The following LRP12 variants were observed in gnomAD, a reference collection of about 807,000 sequenced individuals.
LRP12 encodes the protein low-density lipoprotein receptor-related protein 12.
In LRP12, 14 loss-of-function variants were observed where a neutral mutation model predicts 66.0. The observed-to-expected ratio is 0.21, with a 90% CI of 0.14 to 0.33. The LOEUF is 0.33. LRP12 is among the 10% of genes least tolerant of loss of function. LRP12 has a pLI of 1.00. For synonymous variants in LRP12, 357 were observed against 359.1 expected (o/e 0.99, Z 0.07); for missense variants, 889 against 1,053.4 (o/e 0.84, Z 2.16).
intron 1 of LRP12, among the ~76,000 whole-genome samples, chr8:104,550,595 C>T (rs1460376912): frequency 5.3e-5 from 8 of 152,120 alleles, no homozygotes; most frequent in Admixed American, 5.2e-4. Context: ...CAAGTAGGAA[C>T]CTGGAAGTCA....
chr8:104,539,422 G>A (rs1392687469), intron 1 of LRP12, among the ~76,000 whole-genome samples: 2 of 151,864 alleles, frequency 1.3e-5, no homozygotes, highest in Non-Finnish European at 2.9e-5. Flanking sequence ...TAGGTTTTGG[G>A]TACATAGGGG....
rs558701664 is a variant in LRP12 at position 104,523,621 on chromosome 8, G to A, written c.136+8286C>T. On this transcript the variant is annotated intron_variant, in intron 2 of 6. Transcript: ENST00000276654. ...TGTGTCACAGTACAATGTGATCTCT[G>A]GTGGTTCTCGTGTATTTTTCATTGT... Among the ~76,000 whole-genome samples the A allele has an allele frequency of 5.3e-5, 8 of 152,200 alleles. No homozygotes were observed. In the South Asian group the frequency reaches 1.7e-3, roughly 32 times the overall value.
chr8:104,522,964 G>A, intron 2 of LRP12, among the ~76,000 whole-genome samples: 1 of 152,148 alleles, frequency 6.6e-6, no homozygotes, highest in Admixed American at 6.5e-5. Flanking sequence ...GCAGACAACT[G>A]TGTAAATTAG....
intron 1 of LRP12, among the ~76,000 whole-genome samples, chr8:104,536,904 AT>A (rs1811399515): frequency 1.3e-5 from 2 of 152,214 alleles, no homozygotes; most frequent in African/African-American, 4.8e-5. Flanking sequence ...ATTTGTAAAT[AT>A]AAACAATAGC....
chr8:104,546,685 C>T (rs1033334553), intron 1 of LRP12, among the ~76,000 whole-genome samples: 3 of 151,560 alleles, frequency 2.0e-5, no homozygotes, highest in Non-Finnish European at 4.4e-5. Context: ...TACTGAATTT[C>T]GGGGCTTCTT....
intron 1 of LRP12, among the ~76,000 whole-genome samples, chr8:104,564,358 C>T (rs914086202): frequency 6.6e-6 from 1 of 152,116 alleles, no homozygotes; most frequent in East Asian, 1.9e-4. Context: ...CCAGACAGGA[C>T]CAATGTAGCT....
chr8:104,578,336 A>T (rs916824746), intron 1 of LRP12, among the ~76,000 whole-genome samples: 3 of 152,190 alleles, frequency 2.0e-5, no homozygotes, highest in African/African-American at 7.2e-5. Context: ...CCTAAGACTA[A>T]ACCAGGAAAA....
At chr8:104,559,616 A>G (rs78946085) in intron 1 of LRP12, among the ~76,000 whole-genome samples, 96 of 151,884 alleles carry the variant, frequency 6.3e-4, no homozygotes, top group African/African-American at 2.3e-3. Flanking sequence ...ATTGAAATAA[A>G]AACTTTTTTA....
At chr8:104,528,872 A>C (rs1811285487) in intron 2 of LRP12, among the ~76,000 whole-genome samples, 1 of 152,150 alleles carries the variant, frequency 6.6e-6, no homozygotes, top group South Asian at 2.1e-4. Flanking sequence ...ATATAATTGG[A>C]ATAGATTTCA....
At position 104,588,980 on chromosome 8, in the gene LRP12, C is replaced by CGCT; in HGVS notation, c.-84_-83insAGC. 1 of 752,172 alleles carries CGCT rather than the reference C, an allele frequency of 1.3e-6. No homozygotes were observed. The highest frequency in any genetic ancestry group is 2.0e-6 in the Non-Finnish European group (1 of 491,708). The allele number at this position is 752,172 out of a possible 1,614,324, so 46.6% of individuals were successfully genotyped here. On this transcript the variant is annotated 5_prime_UTR_variant, in exon 1 of 7. Coordinates refer to ENST00000276654, the MANE Select transcript of LRP12 (RefSeq NM_013437.5). Reference sequence around the variant, plus strand: ...AGGTAGACGACGCCGACGCCGCCGCCGCCGCCGCCGCCGCCGCCGAGCCAC... The same window carrying CGCT: ...AGGTAGACGACGCCGACGCCGCCGCCGCTGCCGCCGCCGCCGCCGCCGAGCCAC...
rs746849847 is a variant in LRP12, at chr8:104,491,415, C to T, written c.1838G>A (p.Arg613His). ...WNRIFNFARS[R>H]HSGSLALVSA... ...GACCAAAGCCAATGACCCAGAATGA[C>T]GTGATCTTGCAAAATTAAAAATACG... The change falls in exon 7 of 7, where the codon CGT becomes CAT. Residue 613 changes from arginine (R) to histidine (H), a missense_variant. Arg to His is a conservative substitution (Grantham distance 29). This residue lies in a region of LRP12 where 800 missense variants were observed against 964.5 expected (regional missense o/e 0.83). Transcript: ENST00000276654. 10 of 1,614,072 alleles carry T rather than the reference C, an allele frequency of 6.2e-6. No homozygotes were observed. The highest frequency in any genetic ancestry group is 1.1e-5 in the South Asian group (1 of 91,080).
chr8:104,571,962 GAA>G (rs1290272566), intron 1 of LRP12, among the ~76,000 whole-genome samples: 1 of 152,200 alleles, frequency 6.6e-6, no homozygotes, highest in African/African-American at 2.4e-5. Flanking sequence ...TGTCCACACA[GAA>G]ACTTGTACTG....
intron 3 of LRP12, among the ~76,000 whole-genome samples, chr8:104,499,804 T>C (rs1810796143): frequency 1.3e-5 from 2 of 151,474 alleles, no homozygotes. Context: ...TTTTCTTCTC[T>C]GTGTGTACGG....
At chr8:104,537,958 T>C (rs947996931) in intron 1 of LRP12, among the ~76,000 whole-genome samples, 1 of 152,150 alleles carries the variant, frequency 6.6e-6, no homozygotes, top group African/African-American at 2.4e-5. Flanking sequence ...TTCCTCATCA[T>C]CCTGACAAAA....
intron 1 of LRP12, among the ~76,000 whole-genome samples, chr8:104,547,980 A>T (rs1235891357): frequency 8.4e-6 from 1 of 119,454 alleles, no homozygotes; most frequent in East Asian, 2.2e-4. Context: ...TGTATATAAT[A>T]TATAATTGTT....
At chr8:104,587,599 C>G (rs1812354149) in intron 1 of LRP12, among the ~76,000 whole-genome samples, 1 of 152,164 alleles carries the variant, frequency 6.6e-6, no homozygotes, top group South Asian at 2.1e-4. Context: ...TCAGTAAATG[C>G]CCAATTACGT....
At chr8:104,498,904 A>T (rs1227097907) in intron 4 of LRP12, among the ~76,000 whole-genome samples, 2 of 152,234 alleles carry the variant, frequency 1.3e-5, no homozygotes, top group African/African-American at 4.8e-5. Context: ...TAAGAAAAGA[A>T]AAGATGTCGT....
chr8:104,549,229 T>G (rs1171212657), intron 1 of LRP12, among the ~76,000 whole-genome samples: 1 of 152,056 alleles, frequency 6.6e-6, no homozygotes, highest in Non-Finnish European at 1.5e-5. Context: ...CAGCCAAAGT[T>G]TTTGAAAGAA....
intron 1 of LRP12, among the ~76,000 whole-genome samples, chr8:104,548,796 T>C (rs1302228822): frequency 2.0e-5 from 3 of 151,394 alleles, no homozygotes; most frequent in Admixed American, 6.6e-5. Flanking sequence ...AATGCAAAAC[T>C]GGCTGGGTGT....
Sources: gnomAD v4.1 joint callset for allele counts (sites outside exome capture counted in the v4.1 genomes callset) on GRCh38, gnomAD v4.1.1 for gene constraint, gnomAD v4.1.1 regional missense constraint, MANE v1.5 for transcripts, NCBI Gene and HGNC (gene_info 2026-07-23, HGNC 2026-07-21) for gene names.